KCNH4: variants seen among roughly 807,000 people sequenced by gnomAD.
KCNH4 encodes voltage-gated delayed rectifier potassium channel KCNH4.
A neutral mutation model predicts 90.7 loss-of-function variants in KCNH4; 33 were observed. The ratio of observed to expected loss-of-function variants is 0.36; its 90% confidence interval spans 0.28 to 0.49. The LOEUF is 0.49. Ranked by LOEUF, KCNH4 falls within the 20% of genes least tolerant of loss-of-function variation. The pLI, the probability that KCNH4 is intolerant of heterozygous loss-of-function variation, is 0.98. For missense variants in KCNH4, 1,044 were observed against 1,387.1 expected (o/e 0.75, Z 3.93); for synonymous variants, 551 against 581.7 (o/e 0.95, Z 0.76).
At position 42,165,436 on chromosome 17, in the gene KCNH4, G is replaced by T; in HGVS notation, c.2085+13C>A. 1.2e-6 allele frequency: 2 copies of T among 1,613,876 alleles called. No individual in the cohort carries two copies. The highest frequency in any genetic ancestry group is 2.2e-5 in the South Asian group (2 of 91,048). ...GACTCTGGAAGGATGGCGGTCATCA[G>T]GGGTGTACATACACTGGTGTCAGAG... is the stretch of plus-strand genomic sequence containing the variant. On this transcript the variant is annotated intron_variant, in intron 11 of 16. Transcript: ENST00000264661.
Position 42,181,088 on chromosome 17 carries a change from G to T in KCNH4, c.-143C>A. On this transcript the variant is annotated 5_prime_UTR_variant, in exon 1 of 17. Coordinates refer to ENST00000264661, the MANE Select transcript of KCNH4 (RefSeq NM_012285.3). ...CCCTCTTACTGCCGCTGCCGCTGCC[G>T]CTGCCTCTGCTCCGAACCCCGTAGC... 4.4e-6 allele frequency: 3 copies of T among 682,836 alleles called. No homozygotes were observed. The highest frequency in any genetic ancestry group is 7.3e-6 in the Non-Finnish European group (3 of 412,292). 42.3% of individuals were successfully genotyped at this position (682,836 alleles called of 1,614,324 possible). A position where few individuals can be genotyped will look rare whatever the true frequency, so the allele number is the denominator to read the frequency against.
rs2079766363 is a variant in KCNH4 at position 42,163,781 on chromosome 17, G to C, written c.2302C>G (p.Pro768Ala). The change falls in exon 13 of 17, where the codon CCA becomes GCA. Residue 768 changes from proline (P) to alanine (A), a missense_variant. By Grantham distance (27) the Pro-to-Ala change is conservative (BLOSUM62 -1). Around this residue, in one of 4 missense-constraint regions of KCNH4, gnomAD observed 441 missense variants for 512.3 expected, o/e 0.86. Coordinates refer to ENST00000264661, the MANE Select transcript of KCNH4 (RefSeq NM_012285.3). This position sits in a 1 kb window ranked among gnomAD's most constrained non-coding sequence, Gnocchi z 5.4. ...LVSLLGEELP[P>A]FSALVSSPSL... ...GGAGAGGAGACAAGGGCTGAGAATG[G>C]GGGCAGCTCCTCGCCCAAAAGGCTG... is the stretch of plus-strand genomic sequence containing the variant. 6.4e-7 allele frequency: 1 copy of C among 1,550,398 alleles called. No individual in the cohort carries two copies. Among genetic ancestry groups the C allele is most frequent in the Non-Finnish European group, 8.7e-7 (1 of 1,149,444 alleles).
chr17:42,158,281 A>C (rs896994034), intron 16 of KCNH4, among the ~76,000 whole-genome samples: 1 of 149,870 alleles, frequency 6.7e-6, no homozygotes, highest in Admixed American at 6.6e-5. Flanking sequence ...AAATAATCCC[A>C]GCACTTTGGG....
Position 42,165,490 on chromosome 17 carries a change from G to A in KCNH4, c.2044C>T (p.Arg682Trp), listed in dbSNP as rs149532318. ...TGGCGCAGGTTGAAGGTGAGGTCCC[G>A]GGGCAGGCCAGCCCGGAAGGCAGCC... is the stretch of plus-strand genomic sequence containing the variant. ...YGAAFRAGLP[R>W]DLTFNLRQGS... Residue 682 changes from arginine (R) to tryptophan (W), a missense_variant, in exon 11 of 17, where the codon CGG becomes TGG. Physicochemically the swap from Arg to Trp is moderately radical, Grantham distance 101 (BLOSUM62 -3). Coordinates refer to ENST00000264661, the MANE Select transcript of KCNH4 (RefSeq NM_012285.3). 1.9e-6 allele frequency: 3 copies of A among 1,614,010 alleles called. No homozygotes were observed. Among genetic ancestry groups the A allele is most frequent in the African/African-American group, 1.3e-5 (1 of 74,906 alleles).
intron 7 of KCNH4, among the ~76,000 whole-genome samples, chr17:42,171,384 A>T (rs941412032): frequency 2.0e-5 from 3 of 151,996 alleles, no homozygotes; most frequent in African/African-American, 7.3e-5. Flanking sequence ...TTTCAGAGGG[A>T]TTCCAAGGGC....
At chr17:42,173,188 C>A (rs1395080989) in intron 6 of KCNH4, among the ~76,000 whole-genome samples, 1 of 152,000 alleles carries the variant, frequency 6.6e-6, no homozygotes, top group Admixed American at 6.6e-5. Flanking sequence ...GGACTGGAGG[C>A]TCTGGGGCAG....
intron 7 of KCNH4, 86 bp from the exon 8 acceptor site, chr17:42,170,387 G>A (rs927694929): frequency 8.5e-7 from 1 of 1,179,572 alleles, no homozygotes; most frequent in Non-Finnish European, 1.2e-6. Flanking sequence ...TTGACCTTCG[G>A]CAAGTATTTA....
intron 5 of KCNH4, 136 bp from the exon 6 acceptor site, chr17:42,175,872 G>A: frequency 1.6e-6 from 2 of 1,273,052 alleles, no homozygotes; most frequent in Middle Eastern, 2.4e-4. Flanking sequence ...TGGTCCTTAG[G>A]GAGGATAGGT....
chr17:42,174,293 T>C (rs2079847499), intron 6 of KCNH4, among the ~76,000 whole-genome samples: 1 of 151,982 alleles, frequency 6.6e-6, no homozygotes, highest in Non-Finnish European at 1.5e-5. Flanking sequence ...CCCTGAAGGG[T>C]TCCCGTGGGG....
rs2079732919 is a variant in KCNH4, at chr17:42,159,839, A to G, written c.*201T>C. ...CCACAGCCCTCAGGTGGCTCCCCTC[A>G]CAGAGGGGGAGGTTGGGGAAGGCTT... On this transcript the variant is annotated 3_prime_UTR_variant, in exon 16 of 17. Coordinates refer to ENST00000264661, the MANE Select transcript of KCNH4 (RefSeq NM_012285.3). 2.3e-6 allele frequency: 1 copy of G among 430,048 alleles called. No individual in the cohort carries two copies. Among genetic ancestry groups the G allele is most frequent in the Non-Finnish European group, 4.1e-6 (1 of 246,604 alleles). 26.6% of individuals were successfully genotyped at this position (430,048 alleles called of 1,614,324 possible).
chr17:42,170,306 AG>A lies in KCNH4; in HGVS notation c.1196-6del. ...TGCCCAACTCATGCAACCAGCCTGCAGGGTGGACGGATGCAGGGAGCCCTGG... is the reference window on the plus strand; with the variant it reads ...TGCCCAACTCATGCAACCAGCCTGCAGGTGGACGGATGCAGGGAGCCCTGG... On this transcript the variant is annotated splice_polypyrimidine_tract_variant and splice_region_variant and intron_variant, in intron 7 of 16. Coordinates refer to ENST00000264661, the MANE Select transcript of KCNH4 (RefSeq NM_012285.3). 5.1e-6 allele frequency: 8 copies of A among 1,580,136 alleles called. No homozygotes were observed. The highest frequency in any genetic ancestry group is 6.9e-6 in the Non-Finnish European group (8 of 1,167,656).
In KCNH4 at chr17:42,163,336, T is replaced by C; in HGVS notation, c.2478-2A>G. ...GAGTCCTCAATGCCATCCACTATCC[T>C]GGGAACAGGGCAGTGCTCATCAGCA... On this transcript the variant is annotated splice_acceptor_variant, in intron 13 of 16. Coordinates refer to ENST00000264661, the MANE Select transcript of KCNH4 (RefSeq NM_012285.3). LOFTEE classifies it high-confidence loss of function. This position sits in a 1 kb window ranked among gnomAD's most constrained non-coding sequence, Gnocchi z 5.4. 1 of 1,609,294 alleles carries C rather than the reference T, an allele frequency of 6.2e-7. No homozygotes were observed. The highest frequency in any genetic ancestry group is 8.5e-7 in the Non-Finnish European group (1 of 1,175,874).
rs1489485170 is a variant in KCNH4, at chr17:42,163,554, G to T, written c.2477+52C>A. 2 of 895,878 alleles carry T rather than the reference G, an allele frequency of 2.2e-6. No individual in the cohort carries two copies. Among genetic ancestry groups the T allele is most frequent in the Non-Finnish European group, 3.5e-6 (2 of 576,248 alleles). The allele number at this position is 895,878 out of a possible 1,614,324, so 55.5% of individuals were successfully genotyped here. On this transcript the variant is annotated intron_variant, in intron 13 of 16. Transcript: ENST00000264661. This position sits in a 1 kb window ranked among gnomAD's most constrained non-coding sequence, Gnocchi z 5.4. ...ACGCCAGGGATAGAGCCCAGAGAAGGTTCTGGAAGCCAATAGGGGTTTTGG... is the reference window on the plus strand; with the variant it reads ...ACGCCAGGGATAGAGCCCAGAGAAGTTTCTGGAAGCCAATAGGGGTTTTGG...
chr17:42,166,194 G>A (rs978804721), intron 10 of KCNH4, 103 bp downstream of exon 10: 3 of 1,402,074 alleles, frequency 2.1e-6, no homozygotes, highest in African/African-American at 2.9e-5. Flanking sequence ...AGGTATCCAC[G>A]AGGGGTATCC....
intron 4 of KCNH4, among the ~76,000 whole-genome samples, chr17:42,177,321 TTAC>T (rs2079869074): frequency 6.6e-6 from 1 of 152,186 alleles, no homozygotes; most frequent in African/African-American, 2.4e-5. Context: ...AGTGCTGGGA[TTAC>T]AGGCATCAGC....
At chr17:42,177,817 C>A (rs535331781) in intron 4 of KCNH4, among the ~76,000 whole-genome samples, 1 of 152,194 alleles carries the variant, frequency 6.6e-6, no homozygotes, top group African/African-American at 2.4e-5. Flanking sequence ...AACCCTATCA[C>A]CCCCGGGCAG....
In KCNH4 at chr17:42,160,400, G is replaced by A. The variant is rs2079737952; in HGVS notation, c.2694C>T (p.Ser898=). The change falls in exon 16 of 17, where the codon AGC becomes AGT. Residue 898 remains serine, a synonymous_variant. Transcript: ENST00000264661. ...GGCCCATGATGTGCCGCAGCTCCCG[G>A]CTAAGCTGAGACACCTCCTGATTGA... ...SRLNQEVSQL[S]RELRHIMGLL... 3.1e-6 allele frequency: 5 copies of A among 1,610,350 alleles called. No individual in the cohort carries two copies. Among genetic ancestry groups the A allele is most frequent in the Non-Finnish European group, 4.2e-6 (5 of 1,177,430 alleles).
chr17:42,163,379 G>A lies in KCNH4; in HGVS notation c.2478-45C>T. On this transcript the variant is annotated intron_variant, in intron 13 of 16. Transcript: ENST00000264661. The surrounding 1 kb of genome is among the most constrained non-coding windows in gnomAD (Gnocchi z 5.4). Reference sequence around the variant, plus strand: ...CATCAGCACCATGGGGTGAGGGTAAGGGCCAGAGCAGAGCAGACAGAGGGG... The same window carrying A: ...CATCAGCACCATGGGGTGAGGGTAAAGGCCAGAGCAGAGCAGACAGAGGGG... The A allele has an allele frequency of 7.0e-7, 1 of 1,428,548 alleles. No homozygotes were observed. Among genetic ancestry groups the A allele is most frequent in the East Asian group, 2.3e-5 (1 of 43,448 alleles). The allele number at this position is 1,428,548 out of a possible 1,614,324, so 88.5% of individuals were successfully genotyped here. A position where few individuals can be genotyped will look rare whatever the true frequency, so the allele number is the denominator to read the frequency against.
chr17:42,167,650 A>G (rs2079797397), intron 9 of KCNH4, among the ~76,000 whole-genome samples: 1 of 151,116 alleles, frequency 6.6e-6, no homozygotes, highest in South Asian at 2.1e-4. Flanking sequence ...CTGACCCGGG[A>G]CTCTCACCTT....
Sources: gnomAD v4.1 joint callset for allele counts (sites outside exome capture counted in the v4.1 genomes callset) on GRCh38, gnomAD v4.1.1 for gene constraint, gnomAD v4.1.1 regional missense constraint, Gnocchi (gnomAD v3.1) non-coding constraint, MANE v1.5 for transcripts, NCBI Gene and HGNC (gene_info 2026-07-23, HGNC 2026-07-21) for gene names.